Variants in OTUD4 observed in about 807,000 individuals in gnomAD.
The protein encoded by OTUD4 is OTU domain-containing protein 4.
OTUD4 carries 24 observed loss-of-function variants against 130.4 expected under a neutral mutation model. The observed-to-expected ratio is 0.18, with a 90% CI of 0.13 to 0.26. The LOEUF is 0.26. Among genes scored for constraint, OTUD4 ranks in the 10% least tolerant of loss-of-function variants. OTUD4 has a pLI of 1.00. For synonymous variants in OTUD4, 420 were observed against 472.5 expected, an observed-to-expected ratio of 0.89 and a Z score of 1.44; for missense variants, 1,031 against 1,329.4, an observed-to-expected ratio of 0.78 and a Z score of 3.49.
intron 3 of OTUD4, among the ~76,000 whole-genome samples, chr4:145,168,926 A>G (rs1445740850): frequency 6.6e-6 from 1 of 152,260 alleles, no homozygotes; most frequent in Non-Finnish European, 1.5e-5. Context: ...AAATGTATAC[A>G]CAGGTTGTGA....
Position 145,150,727 on chromosome 4 carries a change from T to C in OTUD4, c.1073-28A>G, listed in dbSNP as rs374012020. On this transcript the variant is annotated intron_variant, in intron 12 of 20. Transcript: ENST00000447906. ...GTTGTAAGAACCCAAAAGTACATGA[T>C]AATATTCATATTATAAACAATCCCA... The C allele has an allele frequency of 1.7e-5, 27 of 1,608,264 alleles. No individual in the cohort carries two copies. The African/African-American group carries it at 2.4e-4, about 14-fold the overall frequency.
intron 3 of OTUD4, chr4:145,171,360 G>T (rs935935617): frequency 4.7e-6 from 1 of 211,514 alleles, no homozygotes; most frequent in Non-Finnish European, 9.2e-6. Flanking sequence ...CCCTGTCCAA[G>T]TTCCATACAC....
rs561552251 is a variant in OTUD4, at chr4:145,165,665, C to G, written c.295-468G>C. Among the ~76,000 whole-genome samples the G allele has an allele frequency of 5.1e-4, 77 of 151,998 alleles. 1 individual carries two copies. In the South Asian group the frequency reaches 0.016, roughly 32 times the overall value. ...GCTAATTTTGTATTTTTAGTAGAGA[C>G]GGGGTTTCTCTATGTTGGTCAGGCT... On this transcript the variant is annotated intron_variant, in intron 3 of 20. Transcript: ENST00000447906.
chr4:145,150,845 C>T lies in OTUD4; in HGVS notation c.1029G>A (p.Lys343=). The T allele has an allele frequency of 2.5e-6, 4 of 1,613,968 alleles. No homozygotes were observed. The highest frequency in any genetic ancestry group is 1.1e-5 in the South Asian group (1 of 91,070). The change falls in exon 12 of 21, where the codon AAG becomes AAA. Residue 343 remains lysine, a synonymous_variant. Coordinates refer to ENST00000447906, the MANE Select transcript of OTUD4 (RefSeq NM_001366057.1). ...PPESWNTVSG[K]KMKKPSTSGQ... ...CAGAAGTGGAAGGTTTTTTCATCTT[C>T]TTCCCTGACACTGTGTTCCAGCTTT... is the stretch of plus-strand genomic sequence containing the variant.
intron 15 of OTUD4, 54 bp downstream of exon 15, chr4:145,144,257 C>A: frequency 6.4e-7 from 1 of 1,560,458 alleles, no homozygotes; most frequent in Non-Finnish European, 8.7e-7. Context: ...TGACATTAAG[C>A]CAGTCATCTA....
At chr4:145,152,726 T>C (rs1751122248) in intron 10 of OTUD4, 91 bp from the exon 11 acceptor site, 1 of 722,178 alleles carries the variant, frequency 1.4e-6, no homozygotes, top group Non-Finnish European at 2.3e-6. Flanking sequence ...TTCTTTTTTT[T>C]TTTTTCTTGA....
At chr4:145,161,036 G>T (rs191672480) in intron 6 of OTUD4, among the ~76,000 whole-genome samples, 50 of 152,184 alleles carry the variant, frequency 3.3e-4, no homozygotes, top group Admixed American at 7.2e-4. Context: ...CTTAAACCCA[G>T]GAGGCGGAAG....
intron 13 of OTUD4, among the ~76,000 whole-genome samples, chr4:145,148,691 C>A (rs900423308): frequency 1.5e-4 from 23 of 152,202 alleles, no homozygotes; most frequent in African/African-American, 5.5e-4. Context: ...ATCTTTAAAT[C>A]ACTAAAGAGT....
rs1750315527 is a variant in OTUD4, at chr4:145,137,208, CAACA to C, written c.*218_*221del. On this transcript the variant is annotated 3_prime_UTR_variant, in exon 21 of 21. Coordinates refer to ENST00000447906, the MANE Select transcript of OTUD4 (RefSeq NM_001366057.1). ...CTTTTTACGGGGACAGTCACTTGAT[CAACA>C]AACAGATTCTGAATGAAGAAAACTG... 3 of 426,160 alleles carry C rather than the reference CAACA, an allele frequency of 7.0e-6. No homozygotes were observed. Among genetic ancestry groups the C allele is most frequent in the Admixed American group, 4.0e-5 (1 of 25,076 alleles). 26.4% of individuals were successfully genotyped at this position (426,160 alleles called of 1,614,324 possible).
chr4:145,152,508 C>T, intron 11 of OTUD4, 33 bp downstream of exon 11: 2 of 1,123,214 alleles, frequency 1.8e-6, no homozygotes, highest in Non-Finnish European at 2.7e-6. Context: ...ATGGAGGAGG[C>T]AGTAAATGCC....
At chr4:145,140,950 G>C (rs1382254715) in intron 19 of OTUD4, among the ~76,000 whole-genome samples, 1 of 152,018 alleles carries the variant, frequency 6.6e-6, no homozygotes, top group African/African-American at 2.4e-5. Context: ...CAGATTACGA[G>C]GTCGGGAGAT....
At chr4:145,155,041 T>A (rs1237739627) in intron 10 of OTUD4, among the ~76,000 whole-genome samples, 1 of 152,220 alleles carries the variant, frequency 6.6e-6, no homozygotes, top group African/African-American at 2.4e-5. Flanking sequence ...TCTCCCAAGA[T>A]GATTTTCATA....
At chr4:145,160,769 T>C (rs930313783) in intron 6 of OTUD4, among the ~76,000 whole-genome samples, 2 of 152,094 alleles carry the variant, frequency 1.3e-5, no homozygotes, top group African/African-American at 2.4e-5. Context: ...ACTGAGATCA[T>C]GCCACTGCAC....
intron 18 of OTUD4, 124 bp from the exon 19 acceptor site, chr4:145,141,763 A>T: frequency 1.3e-6 from 1 of 792,384 alleles, no homozygotes. Context: ...ACCTTTTAGT[A>T]TCAACCAAGA....
At chr4:145,143,605 C>T (rs1337673692) in intron 16 of OTUD4, among the ~76,000 whole-genome samples, 160 bp from the exon 17 acceptor site, 2 of 152,194 alleles carry the variant, frequency 1.3e-5, no homozygotes, top group Non-Finnish European at 2.9e-5. Context: ...GGTAGGCTAA[C>T]TTTGCCTGAA....
chr4:145,152,780 A>C, intron 10 of OTUD4, 145 bp from the exon 11 acceptor site: 1 of 583,618 alleles, frequency 1.7e-6, no homozygotes, highest in Admixed American at 3.1e-5. Context: ...GCAGAGGCAC[A>C]ATCTTGGCTC....
chr4:145,148,432 G>A (rs1192026606), intron 13 of OTUD4, among the ~76,000 whole-genome samples: 1 of 151,844 alleles, frequency 6.6e-6, no homozygotes, highest in Non-Finnish European at 1.5e-5. Flanking sequence ...CTGGGAGATG[G>A]AGGATGCAGT....
rs1208000389 is a variant in OTUD4 at position 145,155,992 on chromosome 4, T to C, written c.634A>G (p.Lys212Glu). Residue 212 changes from lysine to glutamate, a missense_variant, in exon 8 of 21, where the codon AAG becomes GAG. By Grantham distance (56) the Lys-to-Glu change is moderately conservative (BLOSUM62 1). Coordinates refer to ENST00000447906, the MANE Select transcript of OTUD4 (RefSeq NM_001366057.1). Reference sequence around the variant, plus strand: ...ACATCAGCAGCAGCAGCAGCAGTCTTACTCCTACAAAGAAAGATAACCATA... The same window carrying C: ...ACATCAGCAGCAGCAGCAGCAGTCTCACTCCTACAAAGAAAGATAACCATA... ...SDSEDDSCKSKTAAAAADVNG... is the reference protein window; with the variant it reads ...SDSEDDSCKSETAAAAADVNG... The C allele has an allele frequency of 6.2e-7, 1 of 1,609,776 alleles. No individual in the cohort carries two copies.
intron 1 of OTUD4, among the ~76,000 whole-genome samples, chr4:145,175,594 G>A (rs546137366): frequency 2.6e-5 from 4 of 151,384 alleles, no homozygotes; most frequent in Non-Finnish European, 5.9e-5. Context: ...ACCCAGGCTA[G>A]AGTGCAGTGG....
Sources: allele counts gnomAD v4.1 joint callset (sites outside exome capture counted in the v4.1 genomes callset), GRCh38; gene constraint gnomAD v4.1.1; transcripts MANE v1.5; gene names NCBI Gene and HGNC (gene_info 2026-07-23, HGNC 2026-07-21).